Variants in UGGT2 observed in about 807,000 individuals in gnomAD.
UGGT2 encodes UDP-glucose:glycoprotein glucosyltransferase 2.
In UGGT2, 180 loss-of-function variants were observed where a neutral mutation model predicts 192.1. That is an observed-to-expected ratio of 0.94 (90% CI 0.83 to 1.06). The LOEUF (loss-of-function observed/expected upper bound fraction) is 1.06, where lower values mean the gene tolerates loss of function less well. Ranked by LOEUF, UGGT2 falls within the 50% of genes least tolerant of loss-of-function variation. The pLI is 0.00. For synonymous variants in UGGT2, 580 were observed against 591.0 expected (o/e 0.98, Z 0.27); for missense variants, 1,849 against 1,795.7 (o/e 1.03, Z -0.54).
intron 5 of UGGT2, 29 bp from the exon 6 acceptor site, chr13:95,999,336 G>C: frequency 6.3e-7 from 1 of 1,597,952 alleles, no homozygotes; most frequent in South Asian, 1.1e-5. Context: ...TTTATAAAAA[G>C]CGAAAAGAGT....
chr13:95,928,755 C>T (rs12873384), intron 17 of UGGT2, among the ~76,000 whole-genome samples: 9,496 of 151,958 alleles, frequency 0.062, 467 homozygotes, highest in Middle Eastern at 0.1. Flanking sequence ...AGATGATGTG[C>T]GGCCAGGCAG....
Position 95,970,095 on chromosome 13 carries a change from A to G in UGGT2, c.1335+17T>C, listed in dbSNP as rs1243071595. On this transcript the variant is annotated intron_variant, in intron 12 of 38. Transcript: ENST00000376747. ...TATACTACAGGTTTTAGAACAAGGA[A>G]TAGCATAAGCACTTACCATTATAGA... The G allele has an allele frequency of 6.3e-7, 1 of 1,592,754 alleles. No individual in the cohort carries two copies. The highest frequency in any genetic ancestry group is 1.7e-5 in the Admixed American group (1 of 58,488).
intron 15 of UGGT2, among the ~76,000 whole-genome samples, chr13:95,943,748 T>C (rs1013914434): frequency 6.6e-6 from 1 of 152,014 alleles, no homozygotes; most frequent in Non-Finnish European, 1.5e-5. Flanking sequence ...AAAAATTTGT[T>C]TCTTTTAAAT....
chr13:95,941,116 A>T (rs2049665573), intron 15 of UGGT2, among the ~76,000 whole-genome samples: 1 of 152,220 alleles, frequency 6.6e-6, no homozygotes, highest in African/African-American at 2.4e-5. Context: ...AGACATAAGT[A>T]TGAACACTCA....
At chr13:95,919,823 T>C (rs572098494) in intron 20 of UGGT2, among the ~76,000 whole-genome samples, 4 of 152,224 alleles carry the variant, frequency 2.6e-5, no homozygotes, top group South Asian at 4.2e-4. Flanking sequence ...TAAACTAACA[T>C]TGACATTCTT....
intron 10 of UGGT2, among the ~76,000 whole-genome samples, chr13:95,979,825 G>A (rs1322486270): frequency 1.3e-5 from 2 of 151,894 alleles, no homozygotes; most frequent in Non-Finnish European, 2.9e-5. Flanking sequence ...TCAAAAAGTG[G>A]GCTAAGAACA....
In UGGT2 at chr13:95,989,833, C is replaced by CA. The variant is rs549450126; in HGVS notation, c.931+139dup. The CA allele has an allele frequency of 2.7e-4, 137 of 504,618 alleles. 2 individuals carry two copies. The South Asian group carries it at 4.6e-3, about 17-fold the overall frequency. 31.3% of individuals were successfully genotyped at this position (504,618 alleles called of 1,614,324 possible). ...ATGATCTGTTAAATAGGTATTGCCA[C>CA]AAAAAATCATAATTTATATTATTCA... On this transcript the variant is annotated intron_variant, in intron 8 of 38. Coordinates refer to ENST00000376747, the MANE Select transcript of UGGT2 (RefSeq NM_020121.4).
At position 95,863,720 on chromosome 13, in the gene UGGT2, T is replaced by C. The variant is rs372653748; in HGVS notation, c.3559-6A>G. 22 of 1,607,434 alleles carry C rather than the reference T, an allele frequency of 1.4e-5. No individual in the cohort carries two copies. The African/African-American group carries it at 2.3e-4, about 17-fold the overall frequency. ...TTGTCTGTTTCTTTTTTCACCTAGATAGCATGGCAAAAAAGATTAGAATTT... is the reference window on the plus strand; with the variant it reads ...TTGTCTGTTTCTTTTTTCACCTAGACAGCATGGCAAAAAAGATTAGAATTT... On this transcript the variant is annotated splice_polypyrimidine_tract_variant and splice_region_variant and intron_variant, in intron 30 of 38. Transcript: ENST00000376747.
chr13:95,926,502 A>C (rs954886595), intron 19 of UGGT2, among the ~76,000 whole-genome samples: 1 of 152,196 alleles, frequency 6.6e-6, no homozygotes, highest in Non-Finnish European at 1.5e-5. Flanking sequence ...GCAAAGCAAA[A>C]CAAAAACCAC....
chr13:95,886,058 A>G (rs2047637668), intron 26 of UGGT2, among the ~76,000 whole-genome samples: 2 of 152,220 alleles, frequency 1.3e-5, no homozygotes, highest in Admixed American at 1.3e-4. Context: ...GATCCACAAG[A>G]GAGAATATGT....
chr13:96,023,224 T>C, intron 3 of UGGT2, 72 bp from the exon 4 acceptor site: 1 of 1,276,974 alleles, frequency 7.8e-7, no homozygotes, highest in South Asian at 2.0e-5. Flanking sequence ...CCTCACACAT[T>C]ACTTTGATTA....
At chr13:95,863,559 C>T in intron 31 of UGGT2, 70 bp downstream of exon 31, 1 of 1,251,556 alleles carries the variant, frequency 8.0e-7, no homozygotes, top group Non-Finnish European at 1.2e-6. Context: ...TTTTCACTAC[C>T]TGTGGAACTT....
At chr13:95,899,692 G>A (rs2048047784) in intron 22 of UGGT2, among the ~76,000 whole-genome samples, 1 of 151,976 alleles carries the variant, frequency 6.6e-6, no homozygotes, top group Non-Finnish European at 1.5e-5. Context: ...CATGGTCAAA[G>A]ACAGCCAAAA....
intron 29 of UGGT2, chr13:95,876,850 G>GC (rs1891726325): frequency 6.9e-6 from 1 of 144,808 alleles, no homozygotes; most frequent in African/African-American, 2.6e-5. Flanking sequence ...CCCTCTTGCT[G>GC]ATGTTCAGAC....
intron 17 of UGGT2, among the ~76,000 whole-genome samples, chr13:95,930,820 C>T (rs114512719): frequency 1.6e-3 from 236 of 152,136 alleles, no homozygotes; most frequent in African/African-American, 4.8e-3. Context: ...CAGATGTGTT[C>T]GGGGTTTTCT....
intron 2 of UGGT2, among the ~76,000 whole-genome samples, chr13:96,024,513 T>C (rs1156504558): frequency 6.6e-6 from 1 of 152,170 alleles, no homozygotes; most frequent in Non-Finnish European, 1.5e-5. Context: ...CCTTTTCCTT[T>C]CTCTACTCTT....
At chr13:95,820,378 T>C (rs1320894571) in intron 38 of UGGT2, among the ~76,000 whole-genome samples, 1 of 152,154 alleles carries the variant, frequency 6.6e-6, no homozygotes, top group Non-Finnish European at 1.5e-5. Flanking sequence ...CTATGTAAAC[T>C]GTTCCAGAGC....
intron 20 of UGGT2, among the ~76,000 whole-genome samples, chr13:95,904,009 CT>C (rs1175451003): frequency 1.3e-5 from 2 of 152,110 alleles, no homozygotes; most frequent in African/African-American, 4.8e-5. Flanking sequence ...TATGACTTGC[CT>C]GTTCAATCTG....
At chr13:95,925,080 A>C (rs533722760) in intron 20 of UGGT2, among the ~76,000 whole-genome samples, 1 of 152,282 alleles carries the variant, frequency 6.6e-6, no homozygotes, top group South Asian at 2.1e-4. Context: ...TTCATAAAAT[A>C]TTTTGGTTTA....
Sources: gnomAD v4.1 joint callset for allele counts (sites outside exome capture counted in the v4.1 genomes callset) on GRCh38, gnomAD v4.1.1 for gene constraint, MANE v1.5 for transcripts, NCBI Gene and HGNC (gene_info 2026-07-23, HGNC 2026-07-21) for gene names.